Variants in ZBTB46 observed in about 807,000 individuals in gnomAD.
ZBTB46 encodes the protein zinc finger and BTB domain containing 46.
ZBTB46 carries 8 observed loss-of-function variants against 44.1 expected under a neutral mutation model. That is an observed-to-expected ratio of 0.18 (90% CI 0.11 to 0.33). The LOEUF (loss-of-function observed/expected upper bound fraction) is 0.33. Among genes scored for constraint, ZBTB46 ranks in the 10% least tolerant of loss-of-function variants. The pLI, the probability that ZBTB46 is intolerant of heterozygous loss-of-function variation, is 1.00. For missense variants in ZBTB46, 651 were observed against 847.7 expected (o/e 0.77, Z 2.88); for synonymous variants, 409 against 382.3 (o/e 1.07, Z -0.81).
chr20:63,775,942 C>T lies in ZBTB46; in HGVS notation c.958G>A (p.Glu320Lys), dbSNP rs754383826. The T allele has an allele frequency of 9.5e-6, 15 of 1,576,402 alleles. No homozygotes were observed. The highest frequency in any genetic ancestry group is 3.4e-4 in the Middle Eastern group (2 of 5,882). Residue 320 changes from glutamate to lysine, a missense_variant, in exon 3 of 5, where the codon GAA (glutamate) becomes AAA (lysine). Physicochemically the swap from Glu to Lys is moderately conservative, Grantham distance 56. Around this residue, in one of 5 missense-constraint regions of ZBTB46, gnomAD observed 385 missense variants for 423.3 expected, o/e 0.91. Transcript: ENST00000245663. The stretch of plus-strand genomic sequence containing the variant: ...CCTCGGCTGTCGGAGCTGCTGGCTT[C>T]GGTGACGGACAGGTCCGCATCTGGG... ...RDSNADLSVT[E>K]ASSSDSRGER...
At chr20:63,794,848 G>C (rs189200585) in intron 1 of ZBTB46, among the ~76,000 whole-genome samples, 53 of 145,118 alleles carry the variant, frequency 3.7e-4, no homozygotes, top group African/African-American at 1.2e-3. Context: ...GCAGACAGCT[G>C]CATCCACAGG....
upstream of ZBTB46, among the ~76,000 whole-genome samples, chr20:63,832,866 C>T (rs1190492584): frequency 2.0e-5 from 3 of 152,102 alleles, no homozygotes; most frequent in Non-Finnish European, 4.4e-5. This position sits in a 1 kb window ranked among gnomAD's most constrained non-coding sequence, Gnocchi z 5.0. Context: ...CGTGCATCCC[C>T]CTTGGAGAAA....
intron 1 of ZBTB46, among the ~76,000 whole-genome samples, chr20:63,816,737 T>C (rs2092760766): frequency 6.6e-6 from 1 of 152,152 alleles, no homozygotes; most frequent in Non-Finnish European, 1.5e-5. Flanking sequence ...TTTGCAAATA[T>C]AATCAAGTTA....
chr20:63,833,635 G>A (rs936974647), upstream of ZBTB46, among the ~76,000 whole-genome samples: 2 of 152,104 alleles, frequency 1.3e-5, no homozygotes, highest in African/African-American at 4.8e-5. Flanking sequence ...GAATGAACGG[G>A]GCGGATGAGG....
At chr20:63,812,666 C>T (rs2092724274) in intron 1 of ZBTB46, among the ~76,000 whole-genome samples, 1 of 152,012 alleles carries the variant, frequency 6.6e-6, no homozygotes, top group Admixed American at 6.6e-5. Context: ...GTAATCCCAA[C>T]TACTCGGGAG....
chr20:63,816,808 A>G (rs1004324848), intron 1 of ZBTB46, among the ~76,000 whole-genome samples: 13 of 152,186 alleles, frequency 8.5e-5, no homozygotes, highest in African/African-American at 2.9e-4. Flanking sequence ...TCCTTAAAAG[A>G]AAAGGAAAAG....
Position 63,789,922 on chromosome 20 carries a change from A to C in ZBTB46, c.836T>G (p.Val279Gly). The C allele has an allele frequency of 6.2e-7, 1 of 1,613,976 alleles. No individual in the cohort carries two copies. Among genetic ancestry groups the C allele is most frequent in the Non-Finnish European group, 8.5e-7 (1 of 1,180,022 alleles). The change falls in exon 2 of 5, where the codon GTC becomes GGC. Residue 279 changes from valine to glycine, a missense_variant. By Grantham distance (109) the Val-to-Gly change is moderately radical. Around this residue, in one of 5 missense-constraint regions of ZBTB46, gnomAD observed 385 missense variants for 423.3 expected, o/e 0.91. Transcript: ENST00000245663. ...TTCCACCTGCTGTGTGATGTGCCGG[A>C]CGGTCTCTTTGTTTTTCCGATTCTT... The part of the protein sequence containing the change: ...RRKNRKNKET[V>G]RHITQQVEDD...
In ZBTB46 at chr20:63,745,648, AG is replaced by A. The variant is rs2092081399; in HGVS notation, c.*1281del. 2.0e-5 allele frequency: 3 copies of A among 152,236 alleles called. No individual in the cohort carries two copies. The highest frequency in any genetic ancestry group is 2.9e-5 in the Non-Finnish European group (2 of 68,052). The allele number at this position is 152,236 out of a possible 1,614,324, so 9.4% of individuals were successfully genotyped here. ...CCGCAGTGGTGGCCTGTGCCAGAGG[AG>A]GGGGTGAAGGATGGAATGTCCTCAT... On this transcript the variant is annotated 3_prime_UTR_variant, in exon 5 of 5. Coordinates refer to ENST00000245663, the MANE Select transcript of ZBTB46 (RefSeq NM_001369741.1).
chr20:63,792,172 G>A (rs2092566417), intron 1 of ZBTB46, among the ~76,000 whole-genome samples: 1 of 152,092 alleles, frequency 6.6e-6, no homozygotes, highest in Non-Finnish European at 1.5e-5. Flanking sequence ...TTCCAATAAG[G>A]TCACATTCTG....
chr20:63,789,807 A>G lies in ZBTB46; in HGVS notation c.937+14T>C. 2 of 1,598,004 alleles carry G rather than the reference A, an allele frequency of 1.3e-6. No homozygotes were observed. The highest frequency in any genetic ancestry group is 1.7e-6 in the Non-Finnish European group (2 of 1,173,700). On this transcript the variant is annotated intron_variant, in intron 2 of 4. Transcript: ENST00000245663. Reference sequence around the variant, plus strand: ...CTGGGGCAGCTGAGCCCCCGTAACGAGTGAAAGGCTTACTTGAGTCTCGGC... The same window carrying G: ...CTGGGGCAGCTGAGCCCCCGTAACGGGTGAAAGGCTTACTTGAGTCTCGGC...
intron 2 of ZBTB46, among the ~76,000 whole-genome samples, chr20:63,784,498 T>C (rs1369973249): frequency 6.6e-6 from 1 of 152,240 alleles, no homozygotes; most frequent in African/African-American, 2.4e-5. Context: ...CTTAGGCATG[T>C]GTGGGGCCAT....
intron 1 of ZBTB46, among the ~76,000 whole-genome samples, chr20:63,804,107 G>A (rs2092666655): frequency 6.6e-6 from 1 of 151,946 alleles, no homozygotes; most frequent in Non-Finnish European, 1.5e-5. Context: ...AGCCACCAGG[G>A]TCTCGGTGGG....
chr20:63,815,192 T>G, intron 1 of ZBTB46: 1 of 223,412 alleles, frequency 4.5e-6, no homozygotes, highest in South Asian at 4.5e-5. Flanking sequence ...CCAGGTGCAG[T>G]GGGCGCAGGT....
chr20:63,785,973 G>A (rs2092511170), intron 2 of ZBTB46, among the ~76,000 whole-genome samples: 1 of 152,196 alleles, frequency 6.6e-6, no homozygotes, highest in South Asian at 2.1e-4. Context: ...CAGCCCACAG[G>A]CTTAAGGAGT....
chr20:63,806,407 C>CAA (rs58233169), intron 1 of ZBTB46, among the ~76,000 whole-genome samples: 16 of 91,466 alleles, frequency 1.7e-4, no homozygotes, highest in East Asian at 1.1e-3. Flanking sequence ...AACTCCATCT[C>CAA]AAAAAAAAAA....
chr20:63,761,689 G>A (rs1167437073), intron 3 of ZBTB46, among the ~76,000 whole-genome samples: 1 of 151,378 alleles, frequency 6.6e-6, no homozygotes. Flanking sequence ...GGCTGCAGCA[G>A]GAGAATCACT....
chr20:63,817,339 A>C (rs542652289), intron 1 of ZBTB46, among the ~76,000 whole-genome samples: 51 of 151,920 alleles, frequency 3.4e-4, no homozygotes, highest in Admixed American at 3.9e-4. Context: ...TGGGAGAAGG[A>C]GGCTACAGTG....
chr20:63,793,787 A>C (rs138265736), intron 1 of ZBTB46, among the ~76,000 whole-genome samples: 3 of 92,756 alleles, frequency 3.2e-5, no homozygotes, highest in African/African-American at 1.6e-4. Flanking sequence ...TCTGAAATAC[A>C]TTTAATAATG....
Position 63,775,741 on chromosome 20 carries a change from C to CTGTTCTTACTCAT in ZBTB46, c.1158_1159insATGAGTAAGAACA (p.Val387MetfsTer9). 6.2e-7 allele frequency: 1 copy of CTGTTCTTACTCAT among 1,611,938 alleles called. No individual in the cohort carries two copies. Among genetic ancestry groups the CTGTTCTTACTCAT allele is most frequent in the African/African-American group, 1.3e-5 (1 of 75,066 alleles). ...AGCAGGGAGCCGTCATCCCCCAGCA[C>CTGTTCTTACTCAT]GTCGGCCTTCAGCGACAGCAGGCTG... On this transcript the variant is annotated frameshift_variant, in exon 3 of 5. Transcript: ENST00000245663. LOFTEE classifies it high-confidence loss of function.
Sources: gnomAD v4.1 joint callset for allele counts (sites outside exome capture counted in the v4.1 genomes callset) on GRCh38, gnomAD v4.1.1 for gene constraint, gnomAD v4.1.1 regional missense constraint, Gnocchi (gnomAD v3.1) non-coding constraint, MANE v1.5 for transcripts, NCBI Gene and HGNC (gene_info 2026-07-23, HGNC 2026-07-21) for gene names.